INIP: variants seen among roughly 807,000 people sequenced by gnomAD.
INIP encodes INTS3 and NABP interacting protein.
In INIP, 9 loss-of-function variants were observed where a neutral mutation model predicts 14.0. That is an observed-to-expected ratio of 0.64 (90% CI 0.39 to 1.12). The LOEUF is 1.12. INIP is among the 50% of genes most tolerant of loss of function. The pLI, the probability that INIP is intolerant of heterozygous loss-of-function variation, is 0.01. For synonymous variants in INIP, 37 were observed against 41.5 expected (o/e 0.89, Z 0.41); for missense variants, 78 against 122.7 (o/e 0.64, Z 1.72).
intron 2 of INIP, among the ~76,000 whole-genome samples, chr9:112,716,104 A>T (rs556901979): frequency 5.4e-4 from 82 of 152,010 alleles, no homozygotes; most frequent in Non-Finnish European, 5.9e-5. Flanking sequence ...ACGGAGTCTC[A>T]CTCTGTCGCC....
chr9:112,704,230 G>A (rs1838388985), intron 2 of INIP, among the ~76,000 whole-genome samples: 1 of 152,148 alleles, frequency 6.6e-6, no homozygotes, highest in African/African-American at 2.4e-5. Context: ...AGACGCAGTG[G>A]CTGATGAGTT....
chr9:112,696,949 T>C (rs574896526), intron 2 of INIP, among the ~76,000 whole-genome samples: 26 of 152,262 alleles, frequency 1.7e-4, no homozygotes. Flanking sequence ...CTTGTCCTTT[T>C]GGGGTTTTCT....
At chr9:112,713,355 T>C (rs935525929) in intron 2 of INIP, among the ~76,000 whole-genome samples, 2 of 152,092 alleles carry the variant, frequency 1.3e-5, no homozygotes, top group South Asian at 2.1e-4. Flanking sequence ...TATAAAACAG[T>C]ACAAAGAGAG....
chr9:112,714,029 C>T (rs1434451177), intron 2 of INIP, among the ~76,000 whole-genome samples: 2 of 151,198 alleles, frequency 1.3e-5, no homozygotes, highest in Non-Finnish European at 2.9e-5. Context: ...TATAAATGCT[C>T]ATAGCAGCTT....
chr9:112,693,582 A>G (rs891981533), intron 3 of INIP, among the ~76,000 whole-genome samples: 17 of 152,364 alleles, frequency 1.1e-4, no homozygotes, highest in Admixed American at 5.9e-4. Flanking sequence ...GCATGCACTC[A>G]TAAATTTGTT....
chr9:112,689,016 A>G (rs532648029), intron 4 of INIP, among the ~76,000 whole-genome samples: 2 of 152,212 alleles, frequency 1.3e-5, no homozygotes, highest in Non-Finnish European at 2.9e-5. Context: ...CACTAAAACT[A>G]TTTATTACTC....
chr9:112,705,602 C>G (rs531818153), intron 2 of INIP, among the ~76,000 whole-genome samples: 5 of 152,210 alleles, frequency 3.3e-5, no homozygotes, highest in Admixed American at 2.6e-4. Flanking sequence ...TAAGCCACCA[C>G]ACCCAGCCTA....
intron 2 of INIP, among the ~76,000 whole-genome samples, chr9:112,700,524 A>ATAT: frequency 7.3e-6 from 1 of 137,120 alleles, no homozygotes; most frequent in African/African-American, 3.0e-5. Context: ...AGGTATATAT[A>ATAT]ATATATATAT....
chr9:112,689,430 AT>A, intron 4 of INIP, 96 bp downstream of exon 4: 1 of 953,652 alleles, frequency 1.0e-6, no homozygotes, highest in South Asian at 1.4e-5. Flanking sequence ...GAACATTTTT[AT>A]TGATATTGCT....
At position 112,689,532 on chromosome 9, in the gene INIP, A is replaced by G. The variant is rs202216258; in HGVS notation, c.214T>C (p.Leu72=). Residue 72 remains leucine, a synonymous_variant, in exon 4 of 5, where the codon TTG becomes CTG. Coordinates refer to ENST00000374242, the MANE Select transcript of INIP (RefSeq NM_021218.3). ...ATGTCAGTTACACTGCTCACCTGCA[A>G]AGCTGCCTTCTGTTGGGCTGCAATA... The part of the protein sequence containing the change: ...QHIAAQQKAA[L]QHAHAHSSGY... 8.2e-5 allele frequency: 133 copies of G among 1,613,884 alleles called. No homozygotes were observed. Among genetic ancestry groups the G allele is most frequent in the Non-Finnish European group, 1.1e-4 (125 of 1,179,864 alleles).
rs538061347 is a variant in INIP at position 112,684,304 on chromosome 9, G to A, written c.*3234C>T. 6.6e-6 allele frequency: 1 copy of A among 152,256 alleles called. No individual in the cohort carries two copies. The highest frequency in any genetic ancestry group is 2.4e-5 in the African/African-American group (1 of 41,542). 9.4% of individuals were successfully genotyped at this position (152,256 alleles called of 1,614,324 possible). A position where few individuals can be genotyped will look rare whatever the true frequency, so the allele number is the denominator to read the frequency against. ...TAATCTCAGCACTTTAGGAGGCCAA[G>A]GTGGGAGGATCGAGAGGACTGCTTG... On this transcript the variant is annotated 3_prime_UTR_variant, in exon 5 of 5. Transcript: ENST00000374242.
At chr9:112,717,220 C>G (rs1838852691) in intron 1 of INIP, among the ~76,000 whole-genome samples, 1 of 152,136 alleles carries the variant, frequency 6.6e-6, no homozygotes, top group Admixed American at 6.5e-5. Context: ...TCTCTGCATT[C>G]GTCTAAAACA....
At chr9:112,711,171 TA>T (rs966914228) in intron 2 of INIP, among the ~76,000 whole-genome samples, 20 of 151,256 alleles carry the variant, frequency 1.3e-4, no homozygotes, top group East Asian at 9.7e-4. Flanking sequence ...CCCTGCCTCT[TA>T]AAAAAAAATT....
chr9:112,715,514 C>G (rs1278614299), intron 2 of INIP, among the ~76,000 whole-genome samples: 1 of 152,184 alleles, frequency 6.6e-6, no homozygotes, highest in Non-Finnish European at 1.5e-5. Context: ...TGGCTCATGC[C>G]TGTAATCCCA....
chr9:112,703,405 C>G lies in INIP; in HGVS notation c.26-9172G>C, dbSNP rs557221565. Among the ~76,000 whole-genome samples, 3 of 152,276 alleles carry G rather than the reference C, an allele frequency of 2.0e-5. No homozygotes were observed. In the East Asian group the frequency reaches 5.8e-4, roughly 29 times the overall value. ...CTCCATGTTGAACAGATTTTGGTCT[C>G]TAATACTATTCTCCATTAAGAAGGA... On this transcript the variant is annotated intron_variant, in intron 2 of 4. Coordinates refer to ENST00000374242, the MANE Select transcript of INIP (RefSeq NM_021218.3).
intron 2 of INIP, among the ~76,000 whole-genome samples, chr9:112,699,686 A>G (rs962192834): frequency 1.3e-5 from 2 of 152,108 alleles, no homozygotes; most frequent in African/African-American, 4.8e-5. Flanking sequence ...CCTCCTGGGT[A>G]AGGGAGGATT....
chr9:112,692,435 CA>C (rs2131285049), intron 3 of INIP, among the ~76,000 whole-genome samples: 2 of 152,200 alleles, frequency 1.3e-5, no homozygotes, highest in Admixed American at 1.3e-4. Flanking sequence ...AGGCATGCAC[CA>C]CCATGGCTAG....
rs188783368 is a variant in INIP, at chr9:112,705,007, A to T, written c.26-10774T>A. 3.2e-3 allele frequency among the ~76,000 whole-genome samples: 472 copies of T among 147,660 alleles called. 1 individual carries two copies. The highest frequency in any genetic ancestry group is 0.011 in the African/African-American group (442 of 40,340). On this transcript the variant is annotated intron_variant, in intron 2 of 4. Coordinates refer to ENST00000374242, the MANE Select transcript of INIP (RefSeq NM_021218.3). ...ACACTTGTGGTCCCAGTTACTCAGGAGGCTTAGGCAGGAGGATGGCTTGAA... is the reference window on the plus strand; with the variant it reads ...ACACTTGTGGTCCCAGTTACTCAGGTGGCTTAGGCAGGAGGATGGCTTGAA...
At chr9:112,700,371 AT>A (rs1838248339) in intron 2 of INIP, among the ~76,000 whole-genome samples, 1 of 151,788 alleles carries the variant, frequency 6.6e-6, no homozygotes, top group Non-Finnish European at 1.5e-5. Flanking sequence ...GGCCCCTGGG[AT>A]TTTTCCATGG....
Sources: gnomAD v4.1 joint callset for allele counts (sites outside exome capture counted in the v4.1 genomes callset) on GRCh38, gnomAD v4.1.1 for gene constraint, MANE v1.5 for transcripts, NCBI Gene and HGNC (gene_info 2026-07-23, HGNC 2026-07-21) for gene names.